EIF5B: variants seen among roughly 807,000 people sequenced by gnomAD.
EIF5B encodes the protein eukaryotic translation initiation factor 5B.
EIF5B carries 47 observed loss-of-function variants against 147.5 expected under a neutral mutation model. The ratio of observed to expected loss-of-function variants is 0.32; its 90% CI spans 0.25 to 0.41. The LOEUF (loss-of-function observed/expected upper bound fraction) is 0.41. Ranked by LOEUF, EIF5B falls within the 10% of genes least tolerant of loss-of-function variation. The pLI is 1.00. For missense variants in EIF5B, 1,064 were observed against 1,413.2 expected, an observed-to-expected ratio of 0.75 and a Z score of 3.96; for synonymous variants, 455 against 456.2, an observed-to-expected ratio of 1.00 and a Z score of 0.03.
At chr2:99,371,476 A>G (rs893517515) in intron 8 of EIF5B, among the ~76,000 whole-genome samples, 180 bp from the exon 9 acceptor site, 5 of 145,166 alleles carry the variant, frequency 3.4e-5, no homozygotes, top group South Asian at 2.2e-4. Context: ...CGACAGAGCA[A>G]AGACTCCGTC....
Position 99,399,727 on chromosome 2 carries a change from A to G in EIF5B, c.*313A>G, listed in dbSNP as rs538448575. On this transcript the variant is annotated 3_prime_UTR_variant, in exon 24 of 24. Coordinates refer to ENST00000289371, the MANE Select transcript of EIF5B (RefSeq NM_015904.4). Reference sequence around the variant, plus strand: ...ATTTGGATTTTTATTACAGATCTAAAGCTCTTTCGATTTTATACTGATTAA... The same window carrying G: ...ATTTGGATTTTTATTACAGATCTAAGGCTCTTTCGATTTTATACTGATTAA... The G allele has an allele frequency of 1.0e-4, 29 of 280,896 alleles. No homozygotes were observed. The South Asian group carries it at 1.4e-3, about 13-fold the overall frequency. The allele number at this position is 280,896 out of a possible 1,614,324, so 17.4% of individuals were successfully genotyped here. A position where few individuals can be genotyped will look rare whatever the true frequency, so the allele number is the denominator to read the frequency against.
chr2:99,340,840 A>G (rs1807985), intron 1 of EIF5B: 59,621 of 151,204 alleles, frequency 0.39, 12,571 homozygotes, highest in East Asian at 0.64. Context: ...CGCGATCTCC[A>G]CTCACTGCAA....
Position 99,394,841 on chromosome 2 carries a change from A to C in EIF5B, c.3212A>C (p.Lys1071Thr), listed in dbSNP as rs1401713125. ...IIYHLFDAFT[K>T]YRQDYKKQKQ... is the part of the protein sequence containing the mutation. ...TATCATTTATTTGATGCCTTTACAA[A>C]ATATAGACAAGACTACAAGAAACAG... The change falls in exon 21 of 24, where the codon AAA becomes ACA. Residue 1071 changes from lysine to threonine, a missense_variant. Coordinates refer to ENST00000289371, the MANE Select transcript of EIF5B (RefSeq NM_015904.4). 2 of 1,605,738 alleles carry C rather than the reference A, an allele frequency of 1.2e-6. No individual in the cohort carries two copies. Among genetic ancestry groups the C allele is most frequent in the Non-Finnish European group, 1.7e-6 (2 of 1,175,006 alleles).
At chr2:99,384,559 G>A (rs909886816) in intron 14 of EIF5B, among the ~76,000 whole-genome samples, 6 of 152,334 alleles carry the variant, frequency 3.9e-5, no homozygotes, top group African/African-American at 7.2e-5. Context: ...ATGGATTTGG[G>A]CAAAAGTTGA....
At chr2:99,399,198 A>G (rs116191826) in intron 23 of EIF5B, 109 bp from the exon 24 acceptor site, 673 of 1,080,360 alleles carry the variant, frequency 6.2e-4, no homozygotes, top group Non-Finnish European at 8.7e-4. Flanking sequence ...CCTGTTTTTT[A>G]TTTCTGCTTA....
In EIF5B at chr2:99,371,501, A is replaced by C. The variant is rs868759798; in HGVS notation, c.1478-155A>C. ...AAGACTCCGTCTCAAAAAAAAAAAA[A>C]AAAAGATAGTTCTAAAGATAATAGC... On this transcript the variant is annotated intron_variant, in intron 8 of 23. Coordinates refer to ENST00000289371, the MANE Select transcript of EIF5B (RefSeq NM_015904.4). 3.2e-4 allele frequency among the ~76,000 whole-genome samples: 49 copies of C among 152,210 alleles called. 3 individuals carry two copies. The highest frequency in any genetic ancestry group is 1.2e-3 in the African/African-American group (48 of 41,556).
intron 22 of EIF5B, chr2:99,398,092 T>C (rs1017244652): frequency 1.3e-5 from 2 of 152,194 alleles, no homozygotes; most frequent in African/African-American, 4.8e-5. Flanking sequence ...TCTAGTACTT[T>C]CCCTGGCCCA....
At chr2:99,359,010 G>A (rs976300373) in intron 1 of EIF5B, among the ~76,000 whole-genome samples, 20 of 152,194 alleles carry the variant, frequency 1.3e-4, no homozygotes, top group African/African-American at 4.6e-4. Context: ...TCAATGTCTT[G>A]TCATATAATC....
At chr2:99,378,468 C>G (rs1005659868) in intron 10 of EIF5B, among the ~76,000 whole-genome samples, 4 of 152,180 alleles carry the variant, frequency 2.6e-5, no homozygotes, top group Non-Finnish European at 5.9e-5. Context: ...CTTGGAAAGT[C>G]AGGACATGTT....
rs1559263411 is a variant in EIF5B, at chr2:99,399,193, T to G, written c.3556-114T>G. On this transcript the variant is annotated intron_variant, in intron 23 of 23. Coordinates refer to ENST00000289371, the MANE Select transcript of EIF5B (RefSeq NM_015904.4). Reference sequence around the variant, plus strand: ...ACTCCCTTAGGCAGGCAAGCCCTGTTTTTTATTTCTGCTTAAGCTTTTTAG... The same window carrying G: ...ACTCCCTTAGGCAGGCAAGCCCTGTGTTTTATTTCTGCTTAAGCTTTTTAG... 6.7e-6 allele frequency: 7 copies of G among 1,048,504 alleles called. No individual in the cohort carries two copies. In the South Asian group the frequency reaches 1.1e-4, roughly 16 times the overall value. The allele number at this position is 1,048,504 out of a possible 1,614,324, so 65.0% of individuals were successfully genotyped here. A position where few individuals can be genotyped will look rare whatever the true frequency, so the allele number is the denominator to read the frequency against.
intron 1 of EIF5B, among the ~76,000 whole-genome samples, chr2:99,355,610 G>GT (rs67037124): frequency 0.23 from 23,086 of 98,788 alleles, 3,335 homozygotes; most frequent in Admixed American, 0.32. Flanking sequence ...TGTTTTTTGG[G>GT]TTTTTTTTTT....
chr2:99,345,797 G>C (rs530376414), intron 1 of EIF5B, among the ~76,000 whole-genome samples: 1 of 151,872 alleles, frequency 6.6e-6, no homozygotes, highest in South Asian at 2.1e-4. Context: ...AAAAAAAATA[G>C]CTGAGTGTGG....
Position 99,396,876 on chromosome 2 carries a change from C to G in EIF5B, c.3371C>G (p.Pro1124Arg). 1 of 1,601,322 alleles carries G rather than the reference C, an allele frequency of 6.2e-7. No individual in the cohort carries two copies. The change falls in exon 22 of 24, where the codon CCC becomes CGC. Residue 1124 changes from proline (P) to arginine (R), a missense_variant. By Grantham distance (103) the Pro-to-Arg change is moderately radical. Coordinates refer to ENST00000289371, the MANE Select transcript of EIF5B (RefSeq NM_015904.4). ...VEAGQVKQGTPMCVPSKNFVD... is the reference protein window; with the variant it reads ...VEAGQVKQGTRMCVPSKNFVD... ...GCAGGTCAGGTGAAACAGGGGACAC[C>G]CATGTGTGTCCCAAGCAAAAATGTA...
chr2:99,359,261 C>T (rs34196915), intron 1 of EIF5B, among the ~76,000 whole-genome samples: 7,538 of 151,074 alleles, frequency 0.05, 240 homozygotes, highest in Middle Eastern at 0.11. Flanking sequence ...CCCAGCTACT[C>T]GGGAGGCTGA....
chr2:99,398,671 C>A (rs1371163508), intron 22 of EIF5B, 77 bp from the exon 23 acceptor site: 18 of 1,440,344 alleles, frequency 1.2e-5, no homozygotes, highest in African/African-American at 2.8e-5. Context: ...CTAGTTCTTA[C>A]TTCAGCTATC....
At chr2:99,344,592 A>G (rs966474885) in intron 1 of EIF5B, among the ~76,000 whole-genome samples, 3 of 152,092 alleles carry the variant, frequency 2.0e-5, no homozygotes, top group African/African-American at 7.2e-5. Flanking sequence ...GTGCGCCACC[A>G]GGCCCGGCTA....
chr2:99,363,960 G>T lies in EIF5B; in HGVS notation c.1137+98G>T, dbSNP rs527908818. On this transcript the variant is annotated intron_variant, in intron 5 of 23. Coordinates refer to ENST00000289371, the MANE Select transcript of EIF5B (RefSeq NM_015904.4). ...CTCTTCTAATTCTGAAAATTTCATA[G>T]TTGCATGGTAATTCAGTTATATTAT... 6.2e-5 allele frequency: 79 copies of T among 1,270,702 alleles called. 1 individual carries two copies. In the South Asian group the frequency reaches 1.2e-3, roughly 19 times the overall value. 78.7% of individuals were successfully genotyped at this position (1,270,702 alleles called of 1,614,324 possible).
At position 99,340,855 on chromosome 2, in the gene EIF5B, C is replaced by T. The variant is rs564592270; in HGVS notation, c.35+3266C>T. 1.5e-3 allele frequency among the ~76,000 whole-genome samples: 225 copies of T among 152,180 alleles called. 1 individual carries two copies. The Middle Eastern group carries it at 0.031, about 21-fold the overall frequency. ...CGCGATCTCCACTCACTGCAACCTC[C>T]GCCTCCTGGGCTCAAGCGATTCTCC... On this transcript the variant is annotated intron_variant, in intron 1 of 23. Coordinates refer to ENST00000289371, the MANE Select transcript of EIF5B (RefSeq NM_015904.4).
intron 17 of EIF5B, among the ~76,000 whole-genome samples, chr2:99,392,124 G>C (rs1674950035): frequency 1.3e-5 from 2 of 151,840 alleles, no homozygotes; most frequent in Non-Finnish European, 2.9e-5. Context: ...TTCTGTTGAT[G>C]GGAAATGTAG....
Sources: gnomAD v4.1 joint callset for allele counts (sites outside exome capture counted in the v4.1 genomes callset) on GRCh38, gnomAD v4.1.1 for gene constraint, MANE v1.5 for transcripts, NCBI Gene and HGNC (gene_info 2026-07-23, HGNC 2026-07-21) for gene names.